The following NRXN1 variants were observed in gnomAD, a reference collection of about 807,000 sequenced individuals.
NRXN1 encodes the protein neurexin 1, also known as neurexin-1.
A neutral mutation model predicts 150.9 loss-of-function variants in NRXN1; 39 were observed. That is an observed-to-expected ratio of 0.26 (90% CI 0.20 to 0.34). The LOEUF (loss-of-function observed/expected upper bound fraction) is 0.34. NRXN1 is among the 10% of genes least tolerant of loss of function. The probability of loss-of-function intolerance (pLI) is 1.00; values close to 1 mark genes in which losing one functional copy is unlikely to be tolerated. For missense variants in NRXN1, 1,815 were observed against 1,949.9 expected (o/e 0.93, Z 1.30); for synonymous variants, 924 against 757.0 (o/e 1.22, Z -3.62).
chr2:50,980,720 C>A (rs577096492), intron 2 of NRXN1, among the ~76,000 whole-genome samples: 1 of 152,030 alleles, frequency 6.6e-6, no homozygotes. Context: ...AATGCCACAA[C>A]GCTATTGAAA....
At chr2:50,944,342 CT>C (rs1689975480) in intron 2 of NRXN1, among the ~76,000 whole-genome samples, 1 of 152,170 alleles carries the variant, frequency 6.6e-6, no homozygotes, top group Non-Finnish European at 1.5e-5. Context: ...ACAAACTACT[CT>C]CTAATGTGAC....
intron 8 of NRXN1, among the ~76,000 whole-genome samples, chr2:50,586,164 A>G (rs766227517): frequency 1.3e-5 from 2 of 152,120 alleles, no homozygotes; most frequent in Non-Finnish European, 2.9e-5. Context: ...CTTACCCTCC[A>G]GGGTGTTTGC....
intron 2 of NRXN1, among the ~76,000 whole-genome samples, chr2:50,951,903 T>C (rs1309423785): frequency 1.3e-5 from 2 of 148,564 alleles, no homozygotes; most frequent in African/African-American, 2.4e-5. Flanking sequence ...GGATTATCTA[T>C]GAATTTCATT....
At chr2:50,859,667 G>C (rs561366358) in intron 5 of NRXN1, among the ~76,000 whole-genome samples, 1 of 151,656 alleles carries the variant, frequency 6.6e-6, no homozygotes, top group Non-Finnish European at 1.5e-5. Context: ...TCAACAAAAG[G>C]GTTTGCCAGT....
intron 18 of NRXN1, among the ~76,000 whole-genome samples, chr2:50,108,626 G>A (rs920796443): frequency 1.8e-4 from 28 of 152,194 alleles, no homozygotes; most frequent in African/African-American, 6.7e-4. Flanking sequence ...AAAGGTATTT[G>A]TTAAGTTCAC....
In NRXN1 at chr2:50,315,634, T is replaced by C. The variant is rs142958089; in HGVS notation, c.3365-78664A>G. ...ATGGGCTATGCTCCAAGCATCTACT[T>C]GTAAGCTCATTGTTCCATTCTCTGT... On this transcript the variant is annotated intron_variant, in intron 17 of 22. Coordinates refer to ENST00000401669, the MANE Select transcript of NRXN1 (RefSeq NM_001330078.2). 2.0e-5 allele frequency among the ~76,000 whole-genome samples: 3 copies of C among 152,264 alleles called. No individual in the cohort carries two copies. The South Asian group carries it at 6.2e-4, about 32-fold the overall frequency.
chr2:50,053,906 G>A (rs1417557695), intron 20 of NRXN1, among the ~76,000 whole-genome samples: 4 of 152,102 alleles, frequency 2.6e-5, no homozygotes, highest in East Asian at 1.9e-4. Flanking sequence ...GGTGTCTAAA[G>A]TCTAAATTGT....
intron 17 of NRXN1, 117 bp from the exon 18 acceptor site, chr2:50,237,087 G>A: frequency 2.0e-6 from 2 of 997,260 alleles, no homozygotes; most frequent in East Asian, 2.5e-5. Flanking sequence ...CTATGGCAAA[G>A]TAAATCATAG....
intron 21 of NRXN1, among the ~76,000 whole-genome samples, chr2:49,953,927 G>A (rs550914875): frequency 2.6e-5 from 4 of 152,032 alleles, no homozygotes; most frequent in African/African-American, 9.6e-5. Flanking sequence ...AAACCTAGAT[G>A]ACAGGTTGAT....
intron 8 of NRXN1, among the ~76,000 whole-genome samples, chr2:50,569,611 C>A (rs1336637626): frequency 1.3e-5 from 2 of 151,976 alleles, no homozygotes; most frequent in South Asian, 2.1e-4. Flanking sequence ...GTCACTCATA[C>A]TAACTTAAGA....
chr2:50,266,414 T>C (rs1414333387), intron 17 of NRXN1, among the ~76,000 whole-genome samples: 1 of 147,980 alleles, frequency 6.8e-6, no homozygotes, highest in Admixed American at 6.8e-5. Flanking sequence ...ATATATAATG[T>C]TTATAAATTT....
intron 2 of NRXN1, among the ~76,000 whole-genome samples, chr2:50,934,004 A>G (rs1006002353): frequency 2.0e-5 from 3 of 152,172 alleles, no homozygotes; most frequent in Non-Finnish European, 4.4e-5. Context: ...AACAATTTCA[A>G]GAAAATTTAA....
chr2:50,659,956 A>T (rs1331945477), intron 5 of NRXN1, among the ~76,000 whole-genome samples: 1 of 152,042 alleles, frequency 6.6e-6, no homozygotes, highest in Non-Finnish European at 1.5e-5. Context: ...TAAAAAACAG[A>T]TTTATCATTA....
chr2:50,904,621 T>C (rs1302547654), intron 5 of NRXN1, among the ~76,000 whole-genome samples: 1 of 152,168 alleles, frequency 6.6e-6, no homozygotes, highest in Non-Finnish European at 1.5e-5. Flanking sequence ...GTTATTCAGT[T>C]TCTCCATCCA....
At position 50,631,076 on chromosome 2, in the gene NRXN1, G is replaced by A. The variant is rs376294255; in HGVS notation, c.833-7461C>T. Reference sequence around the variant, plus strand: ...AACTGAGAAATTAAAACAATAAATTGATTATTACAAGTAAAAATCACATTA... The same window carrying A: ...AACTGAGAAATTAAAACAATAAATTAATTATTACAAGTAAAAATCACATTA... On this transcript the variant is annotated intron_variant, in intron 5 of 22. Coordinates refer to ENST00000401669, the MANE Select transcript of NRXN1 (RefSeq NM_001330078.2). The A allele has an allele frequency of 6.0e-5, 27 of 449,184 alleles. 1 individual carries two copies. The highest frequency in any genetic ancestry group is 3.3e-4 in the African/African-American group (16 of 48,430). The allele number at this position is 449,184 out of a possible 1,614,324, so 27.8% of individuals were successfully genotyped here. A position where few individuals can be genotyped will look rare whatever the true frequency, so the allele number is the denominator to read the frequency against.
intron 8 of NRXN1, among the ~76,000 whole-genome samples, chr2:50,600,176 A>G (rs2103931994): frequency 6.6e-6 from 1 of 152,288 alleles, no homozygotes; most frequent in African/African-American, 2.4e-5. Flanking sequence ...CACATAATGT[A>G]TCATAATTTC....
chr2:50,545,906 T>C (rs987257896), intron 9 of NRXN1, among the ~76,000 whole-genome samples: 4 of 152,162 alleles, frequency 2.6e-5, no homozygotes, highest in African/African-American at 9.7e-5. Context: ...AAACTACTTA[T>C]ATCTAATACA....
chr2:50,829,154 G>C (rs1315130222), intron 5 of NRXN1, among the ~76,000 whole-genome samples: 2 of 152,164 alleles, frequency 1.3e-5, no homozygotes, highest in Non-Finnish European at 2.9e-5. Context: ...AGGCAGGGAG[G>C]TTGCAGTGAG....
Position 50,087,312 on chromosome 2 carries a change from A to G in NRXN1, c.3718+4011T>C, listed in dbSNP as rs573037101. Among the ~76,000 whole-genome samples the G allele has an allele frequency of 3.6e-4, 55 of 152,258 alleles. 1 individual carries two copies. In the South Asian group the frequency reaches 5.4e-3, roughly 15 times the overall value. ...TATCCTTTAAATATTTGTTGATTTAATATGTTAACTTGAGTATAAAACGAA... is the reference window on the plus strand; with the variant it reads ...TATCCTTTAAATATTTGTTGATTTAGTATGTTAACTTGAGTATAAAACGAA... On this transcript the variant is annotated intron_variant, in intron 19 of 22. Coordinates refer to ENST00000401669, the MANE Select transcript of NRXN1 (RefSeq NM_001330078.2).
Sources: allele counts gnomAD v4.1 joint callset (sites outside exome capture counted in the v4.1 genomes callset), GRCh38; gene constraint gnomAD v4.1.1; transcripts MANE v1.5; gene names NCBI Gene and HGNC (gene_info 2026-07-23, HGNC 2026-07-21).